Variants in PRKCB observed in about 807,000 individuals in gnomAD.
The protein encoded by PRKCB is protein kinase C beta type.
Under a neutral mutation model 81.5 loss-of-function variants are expected in PRKCB, and 13 were observed. The ratio of observed to expected loss-of-function variants is 0.16; its 90% CI spans 0.10 to 0.25. The LOEUF (loss-of-function observed/expected upper bound fraction) is 0.25. PRKCB is among the 10% of genes least tolerant of loss of function. PRKCB has a pLI of 1.00. For missense variants in PRKCB, 509 were observed against 875.7 expected (o/e 0.58, Z 5.29); for synonymous variants, 335 against 321.4 (o/e 1.04, Z -0.45).
At position 24,214,967 on chromosome 16, in the gene PRKCB, A is replaced by G; in HGVS notation, c.*151A>G. The stretch of plus-strand genomic sequence containing the variant: ...AGTGTTTCAGAACCCAAATGTCCTC[A>G]GGTAGTTTGGAGCATCTCTATGAGA... On this transcript the variant is annotated 3_prime_UTR_variant, in exon 17 of 17. Transcript: ENST00000643927. 1 of 1,469,154 alleles carries G rather than the reference A, an allele frequency of 6.8e-7. No individual in the cohort carries two copies. Among genetic ancestry groups the G allele is most frequent in the East Asian group, 2.4e-5 (1 of 42,132 alleles). The allele number at this position is 1,469,154 out of a possible 1,614,324, so 91.0% of individuals were successfully genotyped here. A position where few individuals can be genotyped will look rare whatever the true frequency, so the allele number is the denominator to read the frequency against.
chr16:23,926,532 C>T (rs1413722427), intron 2 of PRKCB, among the ~76,000 whole-genome samples: 1 of 151,286 alleles, frequency 6.6e-6, no homozygotes, highest in Non-Finnish European at 1.5e-5. Context: ...AAAGGTCTTA[C>T]TCTTTTTTAT....
intron 5 of PRKCB, among the ~76,000 whole-genome samples, chr16:24,059,778 A>G (rs1469079806): frequency 6.6e-6 from 1 of 152,238 alleles, no homozygotes; most frequent in Non-Finnish European, 1.5e-5. Context: ...AAGAAAGTGG[A>G]TATGGCCAAC....
intron 9 of PRKCB, among the ~76,000 whole-genome samples, chr16:24,126,600 TC>T (rs909285533): frequency 1.3e-4 from 20 of 152,298 alleles, no homozygotes; most frequent in African/African-American, 4.8e-4. Context: ...AGAATCTTAC[TC>T]TGTTGCCCAG....
chr16:24,095,328 G>A (rs1271142993), intron 7 of PRKCB, among the ~76,000 whole-genome samples: 1 of 152,174 alleles, frequency 6.6e-6, no homozygotes, highest in Admixed American at 6.5e-5. Flanking sequence ...GCAAGGAGTA[G>A]GGTGGCTAGG....
chr16:24,147,182 C>A (rs1967003517), intron 9 of PRKCB, among the ~76,000 whole-genome samples: 1 of 151,790 alleles, frequency 6.6e-6, no homozygotes, highest in African/African-American at 2.4e-5. Flanking sequence ...GTGGCGGGCG[C>A]CTGTAGTCCC....
chr16:24,210,753 GC>G (rs1968127250), intron 16 of PRKCB, among the ~76,000 whole-genome samples: 6 of 152,094 alleles, frequency 3.9e-5, no homozygotes, highest in Admixed American at 3.9e-4. Flanking sequence ...ACCATCCTCG[GC>G]CTCTCAAAGT....
chr16:23,865,854 G>A (rs3826261), intron 2 of PRKCB, among the ~76,000 whole-genome samples: 84,000 of 151,224 alleles, frequency 0.56, 23,575 homozygotes, highest in Admixed American at 0.63. Context: ...CCCAGAAGAG[G>A]GAGGCCTCTC....
chr16:24,061,678 A>G (rs942442961), intron 5 of PRKCB, among the ~76,000 whole-genome samples: 1 of 152,148 alleles, frequency 6.6e-6, no homozygotes, highest in Non-Finnish European at 1.5e-5. Context: ...TCTAGCTTTC[A>G]TTATTGAGAG....
chr16:23,930,600 C>A (rs925874560), intron 2 of PRKCB, among the ~76,000 whole-genome samples: 4 of 151,966 alleles, frequency 2.6e-5, no homozygotes, highest in African/African-American at 7.2e-5. Flanking sequence ...TTTTGAAGAG[C>A]ATTCTAATGA....
In PRKCB at chr16:24,218,458, G is replaced by A; in HGVS notation, c.*3642G>A. The A allele has an allele frequency of 6.1e-6, 6 of 985,408 alleles. No homozygotes were observed. Among genetic ancestry groups the A allele is most frequent in the Non-Finnish European group, 6.0e-6 (5 of 829,978 alleles). The allele number at this position is 985,408 out of a possible 1,614,324, so 61.0% of individuals were successfully genotyped here. A position where few individuals can be genotyped will look rare whatever the true frequency, so the allele number is the denominator to read the frequency against. On this transcript the variant is annotated 3_prime_UTR_variant, in exon 17 of 17. Coordinates refer to ENST00000643927, the MANE Select transcript of PRKCB (RefSeq NM_002738.7). Reference sequence around the variant, plus strand: ...AACAGCTCCATCAGCATCTTAGCCTGCCCCACTCTAGCCACACATACCCAC... The same window carrying A: ...AACAGCTCCATCAGCATCTTAGCCTACCCCACTCTAGCCACACATACCCAC...
At chr16:24,185,694 A>G (rs577008617) in intron 15 of PRKCB, 127 bp downstream of exon 15, 78 of 744,782 alleles carry the variant, frequency 1.0e-4, no homozygotes, top group African/African-American at 6.8e-4. Context: ...ATTTGCCAAT[A>G]TGAGAACCCT....
At chr16:24,112,050 C>T (rs1392189172) in intron 7 of PRKCB, among the ~76,000 whole-genome samples, 1 of 152,216 alleles carries the variant, frequency 6.6e-6, no homozygotes, top group Non-Finnish European at 1.5e-5. Flanking sequence ...GACTCCAGGG[C>T]TTGTGCGCTT....
At chr16:23,984,570 A>G (rs1964777411) in intron 2 of PRKCB, among the ~76,000 whole-genome samples, 3 of 152,190 alleles carry the variant, frequency 2.0e-5, no homozygotes, top group Non-Finnish European at 1.5e-5. Flanking sequence ...TTAACATGAT[A>G]GAAAGATAAA....
chr16:24,138,247 C>T lies in PRKCB; in HGVS notation c.1065+14266C>T, dbSNP rs115139823. ...CCCCTACTCCTGCTGTGCTGAAACC[C>T]GTTCTCTATTAGCAGTGCTCTGTAA... On this transcript the variant is annotated intron_variant, in intron 9 of 16. Coordinates refer to ENST00000643927, the MANE Select transcript of PRKCB (RefSeq NM_002738.7). Among the ~76,000 whole-genome samples the T allele has an allele frequency of 6.5e-3, 997 of 152,250 alleles. 13 individuals are homozygous for T. Among genetic ancestry groups the T allele is most frequent in the African/African-American group, 0.023 (935 of 41,530 alleles).
At chr16:24,108,336 T>TTA (rs1966606775) in intron 7 of PRKCB, among the ~76,000 whole-genome samples, 3 of 148,028 alleles carry the variant, frequency 2.0e-5, no homozygotes, top group African/African-American at 7.6e-5. Flanking sequence ...TTATTTTATT[T>TTA]TTTTTTAAAT....
In PRKCB at chr16:23,876,684, T is replaced by C. The variant is rs185817442; in HGVS notation, c.205+39278T>C. On this transcript the variant is annotated intron_variant, in intron 2 of 16. Transcript: ENST00000643927. Reference sequence around the variant, plus strand: ...GTTTGGTGATCTCACTGGTGAGATCTCTTGGAGCCCTGGAATGCAATTCAT... The same window carrying C: ...GTTTGGTGATCTCACTGGTGAGATCCCTTGGAGCCCTGGAATGCAATTCAT... 3.4e-4 allele frequency among the ~76,000 whole-genome samples: 52 copies of C among 152,158 alleles called. No homozygotes were observed. The East Asian group carries it at 8.7e-3, about 25-fold the overall frequency.
At chr16:23,899,418 C>G (rs9934501) in intron 2 of PRKCB, among the ~76,000 whole-genome samples, 16,711 of 152,222 alleles carry the variant, frequency 0.11, 947 homozygotes, top group Middle Eastern at 0.2. Flanking sequence ...CCCCAGATCT[C>G]TCTGCTGAGG....
rs1159121217 is a variant in PRKCB at position 23,882,021 on chromosome 16, T to TCTTC, written c.205+44648_205+44651dup. On this transcript the variant is annotated intron_variant, in intron 2 of 16. Coordinates refer to ENST00000643927, the MANE Select transcript of PRKCB (RefSeq NM_002738.7). ...TTCTTTCTTTCTTTCTTTCTTTCTT[T>TCTTC]CTTCCTTCCTTCCTTCCTTCCTTCC... Among the ~76,000 whole-genome samples the TCTTC allele has an allele frequency of 5.0e-3, 276 of 55,608 alleles. 10 individuals are homozygous for TCTTC. The highest frequency in any genetic ancestry group is 0.014 in the African/African-American group (244 of 16,886). The allele number at this position is 55,608 out of a possible 152,430, so 36.5% of individuals were successfully genotyped here.
chr16:24,168,036 T>G (rs1967374144), intron 10 of PRKCB, among the ~76,000 whole-genome samples: 1 of 152,206 alleles, frequency 6.6e-6, no homozygotes, highest in Non-Finnish European at 1.5e-5. Context: ...TATTAGGCAC[T>G]CCCACATTTG....
Sources: gnomAD v4.1 joint callset for allele counts (sites outside exome capture counted in the v4.1 genomes callset) on GRCh38, gnomAD v4.1.1 for gene constraint, MANE v1.5 for transcripts, NCBI Gene and HGNC (gene_info 2026-07-23, HGNC 2026-07-21) for gene names.